SPAG16: variants seen among roughly 807,000 people sequenced by gnomAD.
The protein encoded by SPAG16 is sperm associated antigen 16.
In SPAG16, 86 loss-of-function variants were observed where a neutral mutation model predicts 80.4. The observed-to-expected ratio is 1.07, with a 90% CI of 0.90 to 1.28. The LOEUF (loss-of-function observed/expected upper bound fraction) is 1.28. SPAG16 is among the 50% of genes most tolerant of loss of function. SPAG16 has a pLI of 0.00. For missense variants in SPAG16, 870 were observed against 765.3 expected, an observed-to-expected ratio of 1.14 and a Z score of -1.61; for synonymous variants, 294 against 265.9, an observed-to-expected ratio of 1.11 and a Z score of -1.03.
intron 10 of SPAG16, among the ~76,000 whole-genome samples, chr2:213,790,728 T>C (rs967499159): frequency 3.2e-4 from 48 of 152,168 alleles, no homozygotes; most frequent in Non-Finnish European, 6.2e-4. Flanking sequence ...TGTGTGTATA[T>C]GCATAGAGGT....
chr2:214,269,401 C>T (rs188725454), intron 15 of SPAG16, among the ~76,000 whole-genome samples: 11 of 151,924 alleles, frequency 7.2e-5, no homozygotes, highest in African/African-American at 2.2e-4. Context: ...ATTCTTTGCA[C>T]GATTATGGCT....
intron 10 of SPAG16, among the ~76,000 whole-genome samples, chr2:213,668,315 CTTT>C (rs35863253): frequency 6.9e-6 from 1 of 145,232 alleles, no homozygotes; most frequent in South Asian, 2.2e-4. Flanking sequence ...CATATGGGTG[CTTT>C]TTTTTTTTTG....
intron 10 of SPAG16, among the ~76,000 whole-genome samples, chr2:213,825,070 T>A (rs1428294452): frequency 6.6e-6 from 1 of 152,290 alleles, no homozygotes; most frequent in Non-Finnish European, 1.5e-5. Context: ...GATTTTTGCC[T>A]GTTGATTTTG....
At chr2:213,826,029 G>A (rs892364619) in intron 10 of SPAG16, among the ~76,000 whole-genome samples, 4 of 151,628 alleles carry the variant, frequency 2.6e-5, no homozygotes, top group Non-Finnish European at 5.9e-5. Flanking sequence ...CTAAGTTTTT[G>A]AATGTATTGG....
chr2:213,868,250 T>A (rs1302019041), intron 11 of SPAG16, among the ~76,000 whole-genome samples: 2 of 27,366 alleles, frequency 7.3e-5, no homozygotes, highest in African/African-American at 1.2e-4. Flanking sequence ...AAAATGAGAA[T>A]TTTTTTTTTA....
chr2:213,846,045 A>C (rs2074607037), intron 10 of SPAG16, among the ~76,000 whole-genome samples: 1 of 152,192 alleles, frequency 6.6e-6, no homozygotes, highest in Non-Finnish European at 1.5e-5. Flanking sequence ...AGTGCAAGTC[A>C]CTTATCAGTC....
intron 11 of SPAG16, among the ~76,000 whole-genome samples, chr2:213,920,827 G>A (rs1588453): frequency 0.85 from 128,938 of 152,256 alleles, 56,821 homozygotes; most frequent in South Asian, 0.96. Context: ...ACTCTGCCAC[G>A]AGTGCTTAGG....
At chr2:213,901,599 T>C (rs1365962033) in intron 11 of SPAG16, among the ~76,000 whole-genome samples, 1 of 152,156 alleles carries the variant, frequency 6.6e-6, no homozygotes, top group Non-Finnish European at 1.5e-5. Flanking sequence ...TAATTCTCAA[T>C]ATTTAGTCCA....
intron 15 of SPAG16, among the ~76,000 whole-genome samples, chr2:214,159,087 G>A (rs2056335889): frequency 6.6e-6 from 1 of 151,864 alleles, no homozygotes; most frequent in Admixed American, 6.6e-5. Context: ...CTACTCCAGT[G>A]CATATAATTA....
At chr2:213,698,622 T>C (rs1292427398) in intron 10 of SPAG16, among the ~76,000 whole-genome samples, 1 of 152,188 alleles carries the variant, frequency 6.6e-6, no homozygotes, top group Non-Finnish European at 1.5e-5. Context: ...TTTACAGTTA[T>C]CTTAGCTATT....
At chr2:213,393,606 C>A (rs1237039821) in intron 9 of SPAG16, among the ~76,000 whole-genome samples, 1 of 151,868 alleles carries the variant, frequency 6.6e-6, no homozygotes, top group Non-Finnish European at 1.5e-5. Context: ...TTGTATGTCT[C>A]CAAGTGCATT....
intron 15 of SPAG16, among the ~76,000 whole-genome samples, chr2:214,207,979 G>T (rs1418117040): frequency 1.3e-5 from 2 of 152,198 alleles, no homozygotes; most frequent in East Asian, 3.9e-4. Context: ...TGCACTGTCA[G>T]CTTCCCTACT....
At position 213,980,477 on chromosome 2, in the gene SPAG16, A is replaced by ACATATATAATATATATAGAATATATGTG. The variant is rs1559653581; in HGVS notation, c.1401-33474_1401-33473insCATATATAATATATATAGAATATATGTG. 1.4e-4 allele frequency among the ~76,000 whole-genome samples: 10 copies of ACATATATAATATATATAGAATATATGTG among 71,184 alleles called. 3 individuals are homozygous for ACATATATAATATATATAGAATATATGTG. In the South Asian group the frequency reaches 9.8e-3, roughly 70 times the overall value. 46.7% of individuals were successfully genotyped at this position (71,184 alleles called of 152,430 possible). A position where few individuals can be genotyped will look rare whatever the true frequency, so the allele number is the denominator to read the frequency against. ...ATATATATATAGAATATATGTGTGT[A>ACATATATAATATATATAGAATATATGTG]TATATATAATATATATAGAATATAT... On this transcript the variant is annotated intron_variant, in intron 12 of 15. Coordinates refer to ENST00000331683, the MANE Select transcript of SPAG16 (RefSeq NM_024532.5).
At chr2:213,576,888 G>A (rs2126028341) in intron 10 of SPAG16, among the ~76,000 whole-genome samples, 1 of 152,106 alleles carries the variant, frequency 6.6e-6, no homozygotes, top group South Asian at 2.1e-4. Context: ...ATAACAAATG[G>A]GTATGAGGCT....
At chr2:214,080,276 C>T (rs1298523221) in intron 13 of SPAG16, among the ~76,000 whole-genome samples, 9 of 151,934 alleles carry the variant, frequency 5.9e-5, no homozygotes, top group Non-Finnish European at 1.3e-4. Context: ...ATAACAAGTT[C>T]TATAAAACAA....
chr2:213,328,944 G>A (rs909725763), intron 5 of SPAG16, among the ~76,000 whole-genome samples: 2 of 152,060 alleles, frequency 1.3e-5, no homozygotes, highest in Admixed American at 1.3e-4. Flanking sequence ...GGAATAATAA[G>A]TCTCACGAGA....
At chr2:214,378,854 C>T (rs1164462320) in intron 15 of SPAG16, among the ~76,000 whole-genome samples, 1 of 152,214 alleles carries the variant, frequency 6.6e-6, no homozygotes, top group South Asian at 2.1e-4. Context: ...CCAGCTTTTA[C>T]TTGGCAATGT....
chr2:213,360,450 T>A (rs1169708371), intron 7 of SPAG16, among the ~76,000 whole-genome samples: 3 of 152,178 alleles, frequency 2.0e-5, no homozygotes, highest in Non-Finnish European at 4.4e-5. Context: ...ATTATACAAG[T>A]CTAAACCAAG....
intron 10 of SPAG16, among the ~76,000 whole-genome samples, chr2:213,560,010 T>C (rs1357321982): frequency 6.6e-6 from 1 of 152,102 alleles, no homozygotes; most frequent in Admixed American, 6.6e-5. Flanking sequence ...ACCTGTTCCC[T>C]ACCCCACCCA....
Sources: allele counts gnomAD v4.1 joint callset (sites outside exome capture counted in the v4.1 genomes callset), GRCh38; gene constraint gnomAD v4.1.1; transcripts MANE v1.5; gene names NCBI Gene and HGNC (gene_info 2026-07-23, HGNC 2026-07-21).